IGF2BP2: variants seen among roughly 807,000 people sequenced by gnomAD.
IGF2BP2 encodes insulin like growth factor 2 mRNA binding protein 2, also known as insulin-like growth factor 2 mRNA-binding protein 2.
A neutral mutation model predicts 75.8 loss-of-function variants in IGF2BP2; 17 were observed. The ratio of observed to expected loss-of-function variants is 0.22; its 90% CI spans 0.15 to 0.34. The LOEUF (loss-of-function observed/expected upper bound fraction) is 0.34. IGF2BP2 is among the 10% of genes least tolerant of loss of function. The pLI is 1.00. For missense variants in IGF2BP2, 516 were observed against 772.4 expected (o/e 0.67, Z 3.93); for synonymous variants, 288 against 295.6 (o/e 0.97, Z 0.26).
In IGF2BP2 at chr3:185,745,757, C is replaced by G. The variant is rs149604038; in HGVS notation, c.240-47410G>C. The stretch of plus-strand genomic sequence containing the variant: ...GCAGTAGCTGGCCAAACAAACAGCT[C>G]TGGTCACAGTGCACAGCATAGCTGC... On this transcript the variant is annotated intron_variant, in intron 2 of 15. Transcript: ENST00000382199. 8.5e-3 allele frequency among the ~76,000 whole-genome samples: 1,301 copies of G among 152,258 alleles called. 8 individuals are homozygous for G. Among genetic ancestry groups the G allele is most frequent in the Non-Finnish European group, 0.013 (915 of 68,026 alleles).
chr3:185,687,037 G>C lies in IGF2BP2; in HGVS notation c.812+20C>G, dbSNP rs372270579. 1.3e-5 allele frequency: 21 copies of C among 1,609,158 alleles called. No homozygotes were observed. Among genetic ancestry groups the C allele is most frequent in the Non-Finnish European group, 1.6e-5 (19 of 1,178,908 alleles). On this transcript the variant is annotated intron_variant, in intron 7 of 15. Transcript: ENST00000382199. ...CTCTTTTTCTCTGTTGAGTGATCTG[G>C]GCATTGCATGCAAACTTACAGTTTG... is the stretch of plus-strand genomic sequence containing the variant.
At chr3:185,671,974 C>A (rs1241567942) in intron 10 of IGF2BP2, among the ~76,000 whole-genome samples, 1 of 152,212 alleles carries the variant, frequency 6.6e-6, no homozygotes, top group Non-Finnish European at 1.5e-5. Context: ...AAAACACTCA[C>A]AAAATTCACA....
At chr3:185,794,973 C>T (rs1406780258) in intron 2 of IGF2BP2, among the ~76,000 whole-genome samples, 1 of 152,122 alleles carries the variant, frequency 6.6e-6, no homozygotes, top group Non-Finnish European at 1.5e-5. Flanking sequence ...TCTCTGCTCA[C>T]TGCAAGCTCC....
chr3:185,697,537 A>C (rs1438185778), intron 3 of IGF2BP2, among the ~76,000 whole-genome samples: 1 of 151,924 alleles, frequency 6.6e-6, no homozygotes, highest in East Asian at 1.9e-4. Context: ...CAATAAGGCC[A>C]CTCCTCATAT....
In IGF2BP2 at chr3:185,687,058, GT is replaced by G; in HGVS notation, c.810del (p.Lys270AsnfsTer2). The G allele has an allele frequency of 6.2e-7, 1 of 1,612,264 alleles. No individual in the cohort carries two copies. The highest frequency in any genetic ancestry group is 8.5e-7 in the Non-Finnish European group (1 of 1,179,780). On this transcript the variant is annotated frameshift_variant and splice_region_variant, in exon 7 of 16. Transcript: ENST00000382199. ...TCTGGGCATTGCATGCAAACTTACAGTTTGGTCTCATCTGCCTCTTTCTGCA... is the reference window on the plus strand; with the variant it reads ...TCTGGGCATTGCATGCAAACTTACAGTTGGTCTCATCTGCCTCTTTCTGCA... ...EIMQKEADET[K>X]LAEEIPLKIL...
intron 10 of IGF2BP2, among the ~76,000 whole-genome samples, chr3:185,660,856 G>A (rs570014852): frequency 1.3e-5 from 2 of 152,254 alleles, no homozygotes; most frequent in South Asian, 2.1e-4. Flanking sequence ...CTGAAGAATC[G>A]TTCCTTCAGG....
intron 2 of IGF2BP2, among the ~76,000 whole-genome samples, chr3:185,781,222 T>C (rs999645499): frequency 6.6e-6 from 1 of 152,224 alleles, no homozygotes; most frequent in African/African-American, 2.4e-5. Context: ...AAAAATTGTC[T>C]GTTTTTATTG....
chr3:185,751,870 G>C (rs553234698), intron 2 of IGF2BP2, among the ~76,000 whole-genome samples: 2 of 152,042 alleles, frequency 1.3e-5, no homozygotes, highest in South Asian at 4.2e-4. Flanking sequence ...GGCTGAGGCA[G>C]GAGAATGGCA....
At chr3:185,721,064 T>G (rs1726457294) in intron 2 of IGF2BP2, among the ~76,000 whole-genome samples, 1 of 152,148 alleles carries the variant, frequency 6.6e-6, no homozygotes, top group Non-Finnish European at 1.5e-5. Context: ...CCACCTCCTG[T>G]GTACTGTCAA....
chr3:185,755,719 C>T (rs1731532165), intron 2 of IGF2BP2, among the ~76,000 whole-genome samples: 1 of 152,226 alleles, frequency 6.6e-6, no homozygotes, highest in Non-Finnish European at 1.5e-5. Flanking sequence ...GGGTTTCAGA[C>T]TTGCATGGGG....
Position 185,672,590 on chromosome 3 carries a change from G to A in IGF2BP2, c.1151C>T (p.Pro384Leu). ...GGGGGGAGCTCCGCGGGGCCCTGCTGGTGGAGATAGCACGGACAGTCCTGT... is the reference window on the plus strand; with the variant it reads ...GGGGGGAGCTCCGCGGGGCCCTGCTAGTGGAGATAGCACGGACAGTCCTGT... The part of the protein sequence containing the change: ...FSTGLSVLSP[P>L]AGPRGAPPAA... The change falls in exon 10 of 16, where the codon CCA becomes CTA. Residue 384 changes from proline (P) to leucine (L), a missense_variant. By Grantham distance (98) the Pro-to-Leu change is moderately conservative. This residue lies in a region of IGF2BP2 where 75 missense variants were observed against 67.4 expected (regional missense o/e 1.11). Coordinates refer to ENST00000382199, the MANE Select transcript of IGF2BP2 (RefSeq NM_006548.6). 1 of 1,613,216 alleles carries A rather than the reference G, an allele frequency of 6.2e-7. No individual in the cohort carries two copies. Among genetic ancestry groups the A allele is most frequent in the African/African-American group, 1.3e-5 (1 of 75,040 alleles).
chr3:185,805,512 G>A (rs1399600509), intron 2 of IGF2BP2, among the ~76,000 whole-genome samples: 4 of 152,146 alleles, frequency 2.6e-5, no homozygotes, highest in African/African-American at 7.2e-5. Context: ...GAGGTGGTTT[G>A]GCCCACGATA....
intron 2 of IGF2BP2, among the ~76,000 whole-genome samples, chr3:185,746,867 A>G (rs1362678096): frequency 1.6e-4 from 25 of 152,240 alleles, no homozygotes; most frequent in Admixed American, 1.6e-3. Context: ...TGCTGCTTTA[A>G]GCAAAGTTGT....
intron 2 of IGF2BP2, among the ~76,000 whole-genome samples, chr3:185,790,503 C>T (rs960104330): frequency 3.9e-5 from 6 of 152,212 alleles, no homozygotes; most frequent in African/African-American, 1.4e-4. Context: ...TCTTCCATCA[C>T]AAAGAGAATA....
chr3:185,740,959 C>A (rs887605790), intron 2 of IGF2BP2, among the ~76,000 whole-genome samples: 1 of 152,198 alleles, frequency 6.6e-6, no homozygotes, highest in African/African-American at 2.4e-5. Flanking sequence ...CTCACTGCAA[C>A]CTCCGCCTCC....
intron 2 of IGF2BP2, among the ~76,000 whole-genome samples, chr3:185,798,924 A>T (rs1452247087): frequency 6.6e-6 from 1 of 150,456 alleles, no homozygotes; most frequent in South Asian, 2.1e-4. Flanking sequence ...CTACAGGCAC[A>T]CACCACCACG....
chr3:185,797,355 T>C (rs1737560541), intron 2 of IGF2BP2, among the ~76,000 whole-genome samples: 2 of 152,218 alleles, frequency 1.3e-5, no homozygotes, highest in African/African-American at 4.8e-5. Flanking sequence ...CCAGGTCTTC[T>C]GATCCCATGT....
At chr3:185,736,618 CAAT>C (rs1728882028) in intron 2 of IGF2BP2, among the ~76,000 whole-genome samples, 1 of 152,230 alleles carries the variant, frequency 6.6e-6, no homozygotes, top group Non-Finnish European at 1.5e-5. Flanking sequence ...GTGAATTAAA[CAAT>C]AAGAGAACAT....
At chr3:185,762,252 G>A (rs1003692029) in intron 2 of IGF2BP2, among the ~76,000 whole-genome samples, 4 of 151,104 alleles carry the variant, frequency 2.6e-5, no homozygotes, top group African/African-American at 9.7e-5. Flanking sequence ...AATTAGCCAG[G>A]CACGGTGGCT....
Sources: gnomAD v4.1 joint callset for allele counts (sites outside exome capture counted in the v4.1 genomes callset) on GRCh38, gnomAD v4.1.1 for gene constraint, gnomAD v4.1.1 regional missense constraint, MANE v1.5 for transcripts, NCBI Gene and HGNC (gene_info 2026-07-23, HGNC 2026-07-21) for gene names.